The following RYR2 variants were observed in gnomAD, a reference collection of about 807,000 sequenced individuals.
RYR2 encodes the protein cardiac muscle ryanodine receptor-calcium release channel.
RYR2 carries 227 observed loss-of-function variants against 601.1 expected under a neutral mutation model. That is an observed-to-expected ratio of 0.38 (90% confidence interval 0.34 to 0.42). RYR2 has a LOEUF of 0.42. RYR2 is among the 10% of genes least tolerant of loss of function. The probability of loss-of-function intolerance (pLI) is 1.00; values close to 1 mark genes in which losing one functional copy is unlikely to be tolerated. For missense variants in RYR2, 4,646 were observed against 6,156.5 expected, an observed-to-expected ratio of 0.75 and a Z score of 8.21; for synonymous variants, 2,223 against 2,175.1, an observed-to-expected ratio of 1.02 and a Z score of -0.61.
chr1:237,217,662 A>G (rs190370711), intron 1 of RYR2, among the ~76,000 whole-genome samples: 40 of 151,702 alleles, frequency 2.6e-4, no homozygotes, highest in African/African-American at 8.4e-4. Flanking sequence ...TACGTGTATG[A>G]GTTCCAAGGT....
chr1:237,145,080 A>T (rs1438570212), intron 1 of RYR2, among the ~76,000 whole-genome samples: 1 of 149,946 alleles, frequency 6.7e-6, no homozygotes, highest in Non-Finnish European at 1.5e-5. Flanking sequence ...GGGTTGGGGG[A>T]GCTAGGGGAG....
intron 61 of RYR2, among the ~76,000 whole-genome samples, chr1:237,678,414 A>G (rs1685588080): frequency 6.6e-6 from 1 of 152,116 alleles, no homozygotes; most frequent in African/African-American, 2.4e-5. Flanking sequence ...ATTTCTTAAC[A>G]TTTGGATATT....
intron 12 of RYR2, 23 bp from the exon 13 acceptor site, chr1:237,441,295 CT>C (rs1707874111): frequency 1.9e-6 from 3 of 1,612,456 alleles, no homozygotes; most frequent in South Asian, 1.1e-5. Flanking sequence ...GTTTACTGAC[CT>C]TTTTTTCCTC....
intron 2 of RYR2, among the ~76,000 whole-genome samples, chr1:237,329,022 G>A (rs1045137637): frequency 2.4e-4 from 37 of 152,014 alleles, no homozygotes; most frequent in Non-Finnish European, 3.2e-4. Context: ...TTGTCTAAGC[G>A]AAAGCATACA....
intron 62 of RYR2, among the ~76,000 whole-genome samples, chr1:237,682,390 ATATCTT>A (rs1421411214): frequency 6.6e-6 from 1 of 152,180 alleles, no homozygotes; most frequent in African/African-American, 2.4e-5. Flanking sequence ...CTGCACCAGA[ATATCTT>A]TAATTATAGT....
intron 57 of RYR2, among the ~76,000 whole-genome samples, chr1:237,666,925 A>T (rs1202484760): frequency 6.6e-6 from 1 of 152,158 alleles, no homozygotes; most frequent in African/African-American, 2.4e-5. Flanking sequence ...AAAAAAAAAA[A>T]GTTGATACAA....
Position 237,798,093 on chromosome 1 carries a change from C to T in RYR2, c.14013C>T (p.Gly4671=), listed in dbSNP as rs1416459319. Residue 4671 remains glycine, a synonymous_variant, in exon 97 of 105, where the codon GGC becomes GGT. Transcript: ENST00000366574. ...GAGACAGAATCAGTGAATTACTTGG[C>T]ATGGACAAGGCAGCTCTGGACTTCA... The part of the protein sequence containing the change: ...YGRDRISELL[G]MDKAALDFSD... 1.2e-6 allele frequency: 2 copies of T among 1,611,442 alleles called. No homozygotes were observed. The highest frequency in any genetic ancestry group is 2.7e-5 in the African/African-American group (2 of 74,870).
At chr1:237,402,965 T>C (rs1331456194) in intron 10 of RYR2, among the ~76,000 whole-genome samples, 2 of 142,906 alleles carry the variant, frequency 1.4e-5, no homozygotes, top group Non-Finnish European at 3.1e-5. Context: ...ACAAAAAAGA[T>C]GGTAAATGAT....
chr1:237,649,819 T>C, intron 49 of RYR2, 58 bp from the exon 50 acceptor site: 1 of 1,471,464 alleles, frequency 6.8e-7, no homozygotes, highest in Non-Finnish European at 9.4e-7. Flanking sequence ...TGTTAATCCC[T>C]TTGAAGATTA....
chr1:237,100,620 A>C (rs952108809), intron 1 of RYR2, among the ~76,000 whole-genome samples: 3 of 151,994 alleles, frequency 2.0e-5, no homozygotes, highest in Non-Finnish European at 4.4e-5. Context: ...TCCTGACCCC[A>C]AGTCATCCAC....
chr1:237,101,311 A>C (rs1472744164), intron 1 of RYR2, among the ~76,000 whole-genome samples: 76 of 137,972 alleles, frequency 5.5e-4, no homozygotes, highest in African/African-American at 1.7e-3. Flanking sequence ...AAAAAAAAAA[A>C]AAAAAAAAAA....
intron 48 of RYR2, among the ~76,000 whole-genome samples, chr1:237,648,011 A>G (rs1682351505): frequency 6.6e-6 from 1 of 152,232 alleles, no homozygotes; most frequent in African/African-American, 2.4e-5. Flanking sequence ...TTGTTCTAAG[A>G]CGTGAAAATG....
intron 1 of RYR2, among the ~76,000 whole-genome samples, chr1:237,210,145 A>T (rs7513886): frequency 0.33 from 49,959 of 151,974 alleles, 8,742 homozygotes; most frequent in East Asian, 0.56. Context: ...TAAATTTGGA[A>T]TCATCCTGCT....
intron 1 of RYR2, among the ~76,000 whole-genome samples, chr1:237,084,916 C>T (rs1199807845): frequency 6.6e-6 from 1 of 152,214 alleles, no homozygotes; most frequent in Non-Finnish European, 1.5e-5. Flanking sequence ...TCTCAGAGAG[C>T]CTGGAATAAC....
At chr1:237,512,164 C>T (rs2618721) in intron 24 of RYR2, among the ~76,000 whole-genome samples, 105,785 of 152,014 alleles carry the variant, frequency 0.7, 37,103 homozygotes, top group African/African-American at 0.79. Flanking sequence ...ATATTAAGAG[C>T]AAGTGTTTAT....
At chr1:237,803,526 T>C (rs1042979561) in intron 98 of RYR2, among the ~76,000 whole-genome samples, 2 of 152,090 alleles carry the variant, frequency 1.3e-5, no homozygotes, top group Non-Finnish European at 2.9e-5. Flanking sequence ...GGTCTCGATC[T>C]CCTGACCTCG....
Position 237,112,256 on chromosome 1 carries a change from A to G in RYR2, c.48+69687A>G, listed in dbSNP as rs1216271961. Among the ~76,000 whole-genome samples, 90 of 152,068 alleles carry G rather than the reference A, an allele frequency of 5.9e-4. 1 individual carries two copies. Among genetic ancestry groups the G allele is most frequent in the Non-Finnish European group, 8.8e-5 (6 of 67,960 alleles). On this transcript the variant is annotated intron_variant, in intron 1 of 104. Transcript: ENST00000366574. ...AGCCTCCTGAGTAGCTGGGATTACA[A>G]GCGTCCACCACCACGCCTGGCTAAT...
chr1:237,235,257 C>T (rs966641762), intron 1 of RYR2, among the ~76,000 whole-genome samples: 32 of 152,214 alleles, frequency 2.1e-4, no homozygotes, highest in African/African-American at 6.8e-4. Context: ...CTCTTGAGGT[C>T]GGATCTAGCC....
chr1:237,114,266 T>G (rs1669820728), intron 1 of RYR2, among the ~76,000 whole-genome samples: 1 of 152,196 alleles, frequency 6.6e-6, no homozygotes. Flanking sequence ...CACCAAATCC[T>G]TTTTTCTTCC....
Sources: gnomAD v4.1 joint callset for allele counts (sites outside exome capture counted in the v4.1 genomes callset) on GRCh38, gnomAD v4.1.1 for gene constraint, MANE v1.5 for transcripts, NCBI Gene and HGNC (gene_info 2026-07-23, HGNC 2026-07-21) for gene names.